Variants in NDC80 observed in about 807,000 individuals in gnomAD.
NDC80 encodes NDC80 kinetochore complex component, also known as kinetochore protein NDC80 homolog.
In NDC80, 69 loss-of-function variants were observed where a neutral mutation model predicts 89.3. The observed-to-expected ratio is 0.77, with a 90% confidence interval of 0.64 to 0.94. The LOEUF is 0.94. Ranked by LOEUF, NDC80 falls within the 40% of genes least tolerant of loss-of-function variation. NDC80 has a pLI of 0.00. For missense variants in NDC80, 593 were observed against 739.6 expected, an observed-to-expected ratio of 0.80 and a Z score of 2.30; for synonymous variants, 243 against 255.6, an observed-to-expected ratio of 0.95 and a Z score of 0.47.
Position 2,578,154 on chromosome 18 carries a change from C to G in NDC80, c.476+13C>G. On this transcript the variant is annotated intron_variant, in intron 5 of 16. Transcript: ENST00000261597. ...TTAAAGACCTTGGGTATGTATATTT[C>G]TTATTAGTTTAGAGACATGACTGGC... is the stretch of plus-strand genomic sequence containing the variant. 2 of 1,607,728 alleles carry G rather than the reference C, an allele frequency of 1.2e-6. No individual in the cohort carries two copies. Among genetic ancestry groups the G allele is most frequent in the Non-Finnish European group, 1.7e-6 (2 of 1,177,344 alleles).
chr18:2,597,737 A>T (rs2143655000), intron 11 of NDC80, among the ~76,000 whole-genome samples: 1 of 152,124 alleles, frequency 6.6e-6, no homozygotes, highest in Non-Finnish European at 1.5e-5. Context: ...TCTAAAAAAA[A>T]AAAAATAAAG....
chr18:2,609,931 C>T (rs187467605), intron 15 of NDC80, among the ~76,000 whole-genome samples: 302 of 152,278 alleles, frequency 2.0e-3, no homozygotes, highest in African/African-American at 6.9e-3. Context: ...TGCCAGATTG[C>T]GCTCATATTT....
intron 12 of NDC80, 84 bp downstream of exon 12, chr18:2,599,255 C>T (rs1387755314): frequency 2.7e-6 from 3 of 1,110,082 alleles, no homozygotes; most frequent in Non-Finnish European, 3.7e-6. Context: ...TGTTCATAAC[C>T]CAGTACTAAA....
chr18:2,605,618 T>C (rs769216378), intron 13 of NDC80, among the ~76,000 whole-genome samples: 4 of 152,198 alleles, frequency 2.6e-5, no homozygotes, highest in African/African-American at 4.8e-5. Flanking sequence ...CGTATGCTAG[T>C]TGTATATGTC....
intron 7 of NDC80, among the ~76,000 whole-genome samples, 174 bp downstream of exon 7, chr18:2,585,376 G>C (rs753729159): frequency 7.9e-5 from 12 of 152,108 alleles, no homozygotes; most frequent in Non-Finnish European, 1.8e-4. Context: ...GTCATAGCTT[G>C]GCCTAGCCTA....
At chr18:2,590,957 C>T (rs545517025) in intron 10 of NDC80, among the ~76,000 whole-genome samples, 44 of 152,086 alleles carry the variant, frequency 2.9e-4, no homozygotes, top group Admixed American at 4.6e-4. Flanking sequence ...AGGCCAGTCT[C>T]GAACTCCTGG....
chr18:2,601,361 G>C, intron 12 of NDC80, 35 bp from the exon 13 acceptor site: 1 of 1,072,046 alleles, frequency 9.3e-7, no homozygotes, highest in East Asian at 2.6e-5. Flanking sequence ...GTAATTAAAT[G>C]TTATATGTCA....
At chr18:2,615,175 G>A (rs1177628591) in intron 16 of NDC80, 1 of 152,136 alleles carries the variant, frequency 6.6e-6, no homozygotes, top group Non-Finnish European at 1.5e-5. Context: ...TACAGTATCA[G>A]TATTTGAAAT....
At chr18:2,590,259 T>C in intron 10 of NDC80, 97 bp downstream of exon 10, 1 of 1,279,400 alleles carries the variant, frequency 7.8e-7, no homozygotes, top group Non-Finnish European at 1.1e-6. Context: ...TGTTGTTCTG[T>C]GGTACATGCT....
At chr18:2,595,005 A>C (rs2072647081) in intron 10 of NDC80, 1 of 152,390 alleles carries the variant, frequency 6.6e-6, no homozygotes. Context: ...ATGTGGATGC[A>C]TGCATGAACC....
intron 14 of NDC80, among the ~76,000 whole-genome samples, chr18:2,607,998 T>TATATATATATATAA (rs771183596): frequency 2.6e-4 from 33 of 126,898 alleles, no homozygotes; most frequent in East Asian, 1.2e-3. Context: ...TATATATATA[T>TATATATATATATAA]AACTTATTTA....
At chr18:2,577,151 C>T (rs1241860610) in intron 3 of NDC80, 1 of 151,170 alleles carries the variant, frequency 6.6e-6, no homozygotes, top group Admixed American at 6.6e-5. Flanking sequence ...AGTGCTTTAT[C>T]TATATTAAAT....
rs1018935382 is a variant in NDC80 at position 2,588,259 on chromosome 18, A to T, written c.763+336A>T. On this transcript the variant is annotated intron_variant, in intron 8 of 16. Transcript: ENST00000261597. ...CAGAAGCATAGACAATAATTAGCAAATGCTATTCCTCTTGGGGGATAATAT... is the reference window on the plus strand; with the variant it reads ...CAGAAGCATAGACAATAATTAGCAATTGCTATTCCTCTTGGGGGATAATAT... Among the ~76,000 whole-genome samples the T allele has an allele frequency of 7.2e-5, 11 of 152,208 alleles. No homozygotes were observed. The East Asian group carries it at 2.1e-3, about 29-fold the overall frequency.
At chr18:2,578,237 A>G in intron 5 of NDC80, 96 bp downstream of exon 5, 1 of 1,175,274 alleles carries the variant, frequency 8.5e-7, no homozygotes. Flanking sequence ...CAGAAATAAT[A>G]TGTTTTAAGA....
intron 12 of NDC80, among the ~76,000 whole-genome samples, chr18:2,600,010 G>A (rs1243926455): frequency 6.6e-6 from 1 of 152,098 alleles, no homozygotes; most frequent in Non-Finnish European, 1.5e-5. Context: ...TCAAGCTATA[G>A]TCATTTTCAA....
intron 16 of NDC80, among the ~76,000 whole-genome samples, chr18:2,613,257 T>C (rs1234815995): frequency 6.6e-6 from 1 of 152,256 alleles, no homozygotes. Context: ...ATTGAGCAAT[T>C]GTTAAGAAAA....
Position 2,609,059 on chromosome 18 carries a change from C to T in NDC80, c.1688+229C>T, listed in dbSNP as rs1029116143. Among the ~76,000 whole-genome samples the T allele has an allele frequency of 9.2e-5, 14 of 152,018 alleles. 1 individual carries two copies. Among genetic ancestry groups the T allele is most frequent in the African/African-American group, 3.4e-4 (14 of 41,482 alleles). ...TACTGTCCACCAAGAAATCATTAAT[C>T]GTTAGATCTAGTTAATACATGGCTT... On this transcript the variant is annotated intron_variant, in intron 15 of 16. Transcript: ENST00000261597.
At chr18:2,587,679 C>A in intron 7 of NDC80, 151 bp from the exon 8 acceptor site, 1 of 540,450 alleles carries the variant, frequency 1.9e-6, no homozygotes, top group Non-Finnish European at 3.4e-6. Flanking sequence ...AATTATATAG[C>A]CTAGGTTTTT....
chr18:2,612,347 T>G (rs959407176), intron 16 of NDC80, among the ~76,000 whole-genome samples: 2 of 140,894 alleles, frequency 1.4e-5, no homozygotes, highest in African/African-American at 5.3e-5. Flanking sequence ...AGTAGTGCAA[T>G]GGCGCGATCT....
Sources: gnomAD v4.1 joint callset for allele counts (sites outside exome capture counted in the v4.1 genomes callset) on GRCh38, gnomAD v4.1.1 for gene constraint, MANE v1.5 for transcripts, NCBI Gene and HGNC (gene_info 2026-07-23, HGNC 2026-07-21) for gene names.